Variants in SLC41A2 observed in about 807,000 individuals in gnomAD.
SLC41A2 encodes the protein SLC41A1-like 1.
A neutral mutation model predicts 58.3 loss-of-function variants in SLC41A2; 32 were observed. The observed-to-expected ratio is 0.55, with a 90% CI of 0.41 to 0.74. The LOEUF (loss-of-function observed/expected upper bound fraction) is 0.74. SLC41A2 is among the 30% of genes least tolerant of loss of function. The pLI is 0.00. For synonymous variants in SLC41A2, 190 were observed against 235.0 expected (o/e 0.81, Z 1.75); for missense variants, 514 against 680.6 (o/e 0.76, Z 2.72).
In SLC41A2 at chr12:104,888,182, T is replaced by G. The variant is rs143544361; in HGVS notation, c.880+851A>C. On this transcript the variant is annotated intron_variant, in intron 5 of 10. Transcript: ENST00000258538. ...ACTCCATTCAACTATAGTAATTCTT[T>G]ATGAAGACAAGAAACTACCCCGATA... Among the ~76,000 whole-genome samples, 56 of 152,164 alleles carry G rather than the reference T, an allele frequency of 3.7e-4. 3 individuals carry two copies. In the East Asian group the frequency reaches 6.6e-3, roughly 18 times the overall value.
intron 6 of SLC41A2, among the ~76,000 whole-genome samples, chr12:104,877,605 G>A (rs1277026391): frequency 1.3e-5 from 2 of 152,056 alleles, no homozygotes; most frequent in Non-Finnish European, 1.5e-5. Flanking sequence ...AATTATGTAT[G>A]CATCACTATA....
chr12:104,874,201 G>A (rs1013981012), intron 6 of SLC41A2, among the ~76,000 whole-genome samples: 2 of 151,540 alleles, frequency 1.3e-5, no homozygotes, highest in Non-Finnish European at 2.9e-5. Flanking sequence ...AGCCTCCCGA[G>A]TAGCTGGGAC....
At chr12:104,828,646 A>G (rs914155419) in intron 10 of SLC41A2, among the ~76,000 whole-genome samples, 4 of 152,072 alleles carry the variant, frequency 2.6e-5, no homozygotes, top group Non-Finnish European at 4.4e-5. Context: ...CCCCCATCAC[A>G]TGCCCTGTGA....
chr12:104,866,685 A>C, intron 6 of SLC41A2, 106 bp from the exon 7 acceptor site: 1 of 854,608 alleles, frequency 1.2e-6, no homozygotes. Flanking sequence ...ACTATCAAAC[A>C]TATTAACATG....
At chr12:104,919,429 G>A (rs144406324) in intron 2 of SLC41A2, among the ~76,000 whole-genome samples, 246 of 152,318 alleles carry the variant, frequency 1.6e-3, no homozygotes, top group African/African-American at 5.5e-3. Context: ...AACTGCAAAA[G>A]TGTTTCCACA....
intron 8 of SLC41A2, among the ~76,000 whole-genome samples, chr12:104,860,343 T>C (rs887939666): frequency 6.7e-6 from 1 of 148,914 alleles, no homozygotes; most frequent in African/African-American, 2.5e-5. Context: ...GGCAAATGTA[T>C]ACCTATGTAA....
rs1565873820 is a variant in SLC41A2 at position 104,886,449 on chromosome 12, A to G, written c.881-10T>C. The G allele has an allele frequency of 1.2e-6, 2 of 1,611,062 alleles. No homozygotes were observed. Among genetic ancestry groups the G allele is most frequent in the African/African-American group, 1.3e-5 (1 of 74,956 alleles). On this transcript the variant is annotated splice_polypyrimidine_tract_variant and intron_variant, in intron 5 of 10. Transcript: ENST00000258538. ...CCAACCATTATTATTCCTAGAAGAA[A>G]GAATGTTCATTACTTTTTAGGCTAT...
chr12:104,870,970 G>C (rs1405761596), intron 6 of SLC41A2, among the ~76,000 whole-genome samples: 1 of 152,114 alleles, frequency 6.6e-6, no homozygotes, highest in Non-Finnish European at 1.5e-5. Context: ...CTCAAGCATA[G>C]AGACATTCAA....
In SLC41A2 at chr12:104,804,509, ATCAC is replaced by A. The variant is rs1382802726; in HGVS notation, c.*639_*642del. On this transcript the variant is annotated 3_prime_UTR_variant, in exon 11 of 11. Transcript: ENST00000258538. ...CTGCTTTCATTAACAATCTCTCAAG[ATCAC>A]TCAATGTTTAAAGATTAGCCTGACA... 6.6e-6 allele frequency: 1 copy of A among 152,244 alleles called. No homozygotes were observed. Among genetic ancestry groups the A allele is most frequent in the Non-Finnish European group, 1.5e-5 (1 of 68,042 alleles). 9.4% of individuals were successfully genotyped at this position (152,244 alleles called of 1,614,324 possible).
chr12:104,862,257 T>C (rs2043239918), intron 7 of SLC41A2, among the ~76,000 whole-genome samples: 1 of 152,208 alleles, frequency 6.6e-6, no homozygotes, highest in Non-Finnish European at 1.5e-5. Context: ...TTATTTTAAT[T>C]CTTTAGTAAA....
chr12:104,934,180 T>C (rs897100213), intron 1 of SLC41A2, among the ~76,000 whole-genome samples: 1 of 149,086 alleles, frequency 6.7e-6, no homozygotes, highest in African/African-American at 2.5e-5. Context: ...CATCAATGAA[T>C]GGAAAAAAAA....
At chr12:104,899,464 A>G (rs1321330496) in intron 3 of SLC41A2, among the ~76,000 whole-genome samples, 1 of 152,188 alleles carries the variant, frequency 6.6e-6, no homozygotes, top group Non-Finnish European at 1.5e-5. Context: ...ATAGGCAGTT[A>G]ACTTGACTAG....
chr12:104,865,304 T>C (rs1156775691), intron 7 of SLC41A2, among the ~76,000 whole-genome samples: 1 of 152,060 alleles, frequency 6.6e-6, no homozygotes, highest in Non-Finnish European at 1.5e-5. Flanking sequence ...CATCCTCACA[T>C]GTACAGATGT....
intron 2 of SLC41A2, among the ~76,000 whole-genome samples, chr12:104,914,726 C>T (rs1190867109): frequency 6.6e-6 from 1 of 152,214 alleles, no homozygotes; most frequent in African/African-American, 2.4e-5. Context: ...AATTCTGACT[C>T]TACTACTTAC....
chr12:104,833,996 G>C (rs1053282302), intron 10 of SLC41A2: 1 of 984,692 alleles, frequency 1.0e-6, no homozygotes. Context: ...GTCCTAAGCA[G>C]AATACTTGAG....
chr12:104,844,755 TA>T, intron 9 of SLC41A2, 135 bp from the exon 10 acceptor site: 1 of 393,890 alleles, frequency 2.5e-6, no homozygotes, highest in East Asian at 3.9e-5. Flanking sequence ...TTGCCAAAAA[TA>T]AATTTCAAGT....
At chr12:104,855,476 G>A (rs1264915753) in intron 8 of SLC41A2, among the ~76,000 whole-genome samples, 5 of 152,026 alleles carry the variant, frequency 3.3e-5, no homozygotes, top group South Asian at 2.1e-4. Flanking sequence ...TTGGTTTTAC[G>A]TACCCTTGAA....
Position 104,955,301 on chromosome 12 carries a change from C to T in SLC41A2, c.-168+2787G>A, listed in dbSNP as rs1459066125. 6.6e-5 allele frequency among the ~76,000 whole-genome samples: 10 copies of T among 152,112 alleles called. No homozygotes were observed. The East Asian group carries it at 1.9e-3, about 29-fold the overall frequency. On this transcript the variant is annotated intron_variant, in intron 1 of 10. Coordinates refer to ENST00000258538, the MANE Select transcript of SLC41A2 (RefSeq NM_001352171.3). ...AAAGTGCTGGGATTACAAGCATGAA[C>T]CACTGCACCCAGCTGGCCCTCGCTT...
intron 1 of SLC41A2, among the ~76,000 whole-genome samples, chr12:104,949,362 A>G (rs144029240): frequency 6.6e-6 from 1 of 152,350 alleles, no homozygotes; most frequent in East Asian, 1.9e-4. Flanking sequence ...TAACTTTAGT[A>G]CCTGCTCCCA....
Sources: allele counts gnomAD v4.1 joint callset (sites outside exome capture counted in the v4.1 genomes callset), GRCh38; gene constraint gnomAD v4.1.1; transcripts MANE v1.5; gene names NCBI Gene and HGNC (gene_info 2026-07-23, HGNC 2026-07-21).